HSP90AA1: variants seen among roughly 807,000 people sequenced by gnomAD.
The protein encoded by HSP90AA1 is heat shock protein 90 alpha family class A member 1, also known as heat shock protein HSP 90-alpha.
Under a neutral mutation model 73.3 loss-of-function variants are expected in HSP90AA1, and 18 were observed. The observed-to-expected ratio is 0.25, with a 90% confidence interval of 0.17 to 0.36. The LOEUF (loss-of-function observed/expected upper bound fraction) is 0.36. Among genes scored for constraint, HSP90AA1 ranks in the 10% least tolerant of loss-of-function variants. HSP90AA1 has a pLI of 1.00. For synonymous variants in HSP90AA1, 477 were observed against 296.9 expected (o/e 1.61, Z -6.24); for missense variants, 704 against 874.2 (o/e 0.81, Z 2.45).
At chr14:102,103,967 G>A (rs1055031157) in intron 1 of HSP90AA1, among the ~76,000 whole-genome samples, 1 of 151,748 alleles carries the variant, frequency 6.6e-6, no homozygotes, top group African/African-American at 2.4e-5. Context: ...TCGGATTACA[G>A]GAGGCGGAGG....
In HSP90AA1 at chr14:102,085,006, AG is replaced by A. The variant is rs746346901; in HGVS notation, c.664-9del. ...ATCACGTTCCTTCTCCACCTTCAAAAGAAAACACGAAATCACATCACTGCTG... is the reference window on the plus strand; with the variant it reads ...ATCACGTTCCTTCTCCACCTTCAAAAAAAACACGAAATCACATCACTGCTG... On this transcript the variant is annotated splice_polypyrimidine_tract_variant and intron_variant, in intron 4 of 10. Transcript: ENST00000216281. 15 of 1,613,760 alleles carry A rather than the reference AG, an allele frequency of 9.3e-6. No individual in the cohort carries two copies. The highest frequency in any genetic ancestry group is 8.8e-5 in the South Asian group (8 of 91,084).
intron 1 of HSP90AA1, among the ~76,000 whole-genome samples, chr14:102,135,622 A>C (rs1463701211): frequency 6.6e-6 from 1 of 152,240 alleles, no homozygotes; most frequent in Non-Finnish European, 1.5e-5. Flanking sequence ...TGGGAGGCTC[A>C]GGCATGGGGG....
chr14:102,118,256 C>T (rs1380530530), intron 1 of HSP90AA1, among the ~76,000 whole-genome samples: 1 of 152,184 alleles, frequency 6.6e-6, no homozygotes, highest in Admixed American at 6.5e-5. Context: ...ATGATAACCC[C>T]TAAGGTCCTG....
chr14:102,082,555 T>C (rs1190869327), intron 9 of HSP90AA1, 111 bp from the exon 10 acceptor site: 5 of 783,494 alleles, frequency 6.4e-6, no homozygotes, highest in African/African-American at 1.7e-5. Context: ...TACTATCTAC[T>C]GTCAAATACA....
chr14:102,123,634 CTACAG>C lies in HSP90AA1; in HGVS notation c.155+15611_155+15615del, dbSNP rs565608546. 1.1e-3 allele frequency among the ~76,000 whole-genome samples: 171 copies of C among 151,894 alleles called. 2 individuals are homozygous for C. Among genetic ancestry groups the C allele is most frequent in the African/African-American group, 4.0e-3 (165 of 41,408 alleles). ...CAAGGGATCCTCCCGCCTTGGTCTCCTACAGTACTAGGATTACAGGCATAAGCCAC... is the reference window on the plus strand; with the variant it reads ...CAAGGGATCCTCCCGCCTTGGTCTCCTACTAGGATTACAGGCATAAGCCAC... On this transcript the variant is annotated intron_variant, in intron 1 of 11. Coordinates refer to the HSP90AA1 transcript ENST00000334701.
At chr14:102,102,933 C>T (rs1364348227) in intron 1 of HSP90AA1, among the ~76,000 whole-genome samples, 1 of 152,020 alleles carries the variant, frequency 6.6e-6, no homozygotes, top group Non-Finnish European at 1.5e-5. Context: ...AATCCCAGCA[C>T]TTTGGGAGGC....
At chr14:102,125,753 G>A (rs999085433) in intron 1 of HSP90AA1, among the ~76,000 whole-genome samples, 2 of 152,196 alleles carry the variant, frequency 1.3e-5, no homozygotes, top group Non-Finnish European at 1.5e-5. Flanking sequence ...AGATGAGACA[G>A]CAATGTAATA....
intron 1 of HSP90AA1, among the ~76,000 whole-genome samples, chr14:102,102,416 T>C (rs1193896289): frequency 6.6e-6 from 1 of 152,178 alleles, no homozygotes; most frequent in East Asian, 1.9e-4. Context: ...GTTGTTATTA[T>C]TCCAGGCTCC....
At chr14:102,133,008 A>G (rs2049927789) in intron 1 of HSP90AA1, among the ~76,000 whole-genome samples, 1 of 148,520 alleles carries the variant, frequency 6.7e-6, no homozygotes, top group Non-Finnish European at 1.5e-5. Flanking sequence ...GGCTGGGCGC[A>G]GTGGCTCACG....
intron 1 of HSP90AA1, among the ~76,000 whole-genome samples, chr14:102,130,634 G>C (rs766225657): frequency 5.3e-5 from 8 of 152,160 alleles, no homozygotes; most frequent in Non-Finnish European, 7.3e-5. Context: ...TTTTGACAGG[G>C]TCTTGCTCTG....
At chr14:102,085,640 T>C (rs768746848) in intron 3 of HSP90AA1, 118 bp downstream of exon 3, 76 of 1,489,046 alleles carry the variant, frequency 5.1e-5, no homozygotes, top group Non-Finnish European at 7.0e-5. Flanking sequence ...CTCTAGCTTG[T>C]TCCTGATCGT....
chr14:102,125,073 C>G (rs750486260), intron 1 of HSP90AA1, among the ~76,000 whole-genome samples: 1 of 152,092 alleles, frequency 6.6e-6, no homozygotes, highest in Admixed American at 6.6e-5. Flanking sequence ...CTCACTGAAG[C>G]CTCAAACTCC....
At chr14:102,137,975 A>C (rs2050044027) in intron 1 of HSP90AA1, among the ~76,000 whole-genome samples, 1 of 151,668 alleles carries the variant, frequency 6.6e-6, no homozygotes, top group South Asian at 2.1e-4. Flanking sequence ...AGATTGCACC[A>C]CTGCACTCCA....
chr14:102,090,212 C>G (rs2049335616), upstream of HSP90AA1, among the ~76,000 whole-genome samples: 1 of 152,150 alleles, frequency 6.6e-6, no homozygotes, highest in South Asian at 2.1e-4. Context: ...TCCCTCTGTT[C>G]TTCTCTAATT....
intron 1 of HSP90AA1, among the ~76,000 whole-genome samples, chr14:102,122,072 GTTAT>G (rs147995068): frequency 0.018 from 2,668 of 152,004 alleles, 82 homozygotes; most frequent in African/African-American, 0.062. Flanking sequence ...TTCTCTTATG[GTTAT>G]TTTTTATATT....
chr14:102,085,680 C>A, intron 3 of HSP90AA1, 78 bp downstream of exon 3: 3 of 1,590,492 alleles, frequency 1.9e-6, no homozygotes, highest in Non-Finnish European at 1.7e-6. Flanking sequence ...TAAGCTTCAC[C>A]GCATCCCCAG....
At chr14:102,091,135 G>A (rs1354005278), upstream of HSP90AA1, among the ~76,000 whole-genome samples, 5 of 152,136 alleles carry the variant, frequency 3.3e-5, no homozygotes, top group African/African-American at 1.2e-4. Context: ...TCACTTGCTT[G>A]CCAGGCAGCA....
intron 2 of HSP90AA1, among the ~76,000 whole-genome samples, chr14:102,098,999 T>C (rs536343066): frequency 2.0e-5 from 3 of 152,192 alleles, no homozygotes; most frequent in Non-Finnish European, 4.4e-5. Context: ...CCTCCACACA[T>C]TGCAAACACC....
intron 1 of HSP90AA1, among the ~76,000 whole-genome samples, chr14:102,129,194 T>C (rs1360492935): frequency 3.5e-5 from 5 of 143,176 alleles, no homozygotes; most frequent in African/African-American, 1.3e-4. Flanking sequence ...TGGAATGCAG[T>C]GGGGCAATCT....
Sources: allele counts gnomAD v4.1 joint callset (sites outside exome capture counted in the v4.1 genomes callset), GRCh38; gene constraint gnomAD v4.1.1; transcripts MANE v1.5; gene names NCBI Gene and HGNC (gene_info 2026-07-23, HGNC 2026-07-21).